The following GPRIN1 variants were observed in gnomAD, a reference collection of about 807,000 sequenced individuals.
The protein encoded by GPRIN1 is G protein-regulated inducer of neurite outgrowth 1.
GPRIN1 carries 4 observed loss-of-function variants against 2.8 expected under a neutral mutation model. The ratio of observed to expected loss-of-function variants is 1.45; its 90% CI spans 0.71 to 3.32. The LOEUF is 3.32. GPRIN1 is among the 30% of genes most tolerant of loss of function. The probability of loss-of-function intolerance (pLI) is 0.01; values close to 1 mark genes in which losing one functional copy is unlikely to be tolerated. For synonymous variants in GPRIN1, 589 were observed against 589.9 expected, an observed-to-expected ratio of 1.00 and a Z score of 0.02; for missense variants, 1,322 against 1,343.4, an observed-to-expected ratio of 0.98 and a Z score of 0.25.
At position 176,599,039 on chromosome 5, in the gene GPRIN1, G is replaced by A. The variant is rs1199184948; in HGVS notation, c.796C>T (p.His266Tyr). Residue 266 changes from histidine to tyrosine, a missense_variant, in exon 2 of 2, where the codon CAT (histidine) becomes TAT (tyrosine). Transcript: ENST00000303991. Reference protein sequence around the residue: ...KEEPRYSGKEHPVSSEKVAPT... With the variant: ...KEEPRYSGKEYPVSSEKVAPT... ...GCGACCTTTTCTGAGGACACAGGAT[G>A]CTCTTTTCCTGAATACCTGGGCTCC... The A allele has an allele frequency of 1.4e-5, 22 of 1,614,004 alleles. No individual in the cohort carries two copies. In the Middle Eastern group the frequency reaches 4.9e-4, roughly 36 times the overall value.
intron 1 of GPRIN1, among the ~76,000 whole-genome samples, chr5:176,600,960 A>G (rs1303998243): frequency 6.6e-6 from 1 of 152,138 alleles, no homozygotes; most frequent in Non-Finnish European, 1.5e-5. Flanking sequence ...TAAAGGGAGA[A>G]CCACTACTCC....
intron 1 of GPRIN1, among the ~76,000 whole-genome samples, chr5:176,600,574 A>C (rs931846314): frequency 7.2e-5 from 11 of 152,198 alleles, no homozygotes; most frequent in East Asian, 1.9e-4. Context: ...GGTATAAGAC[A>C]AAAGGGAGTG....
intron 1 of GPRIN1, among the ~76,000 whole-genome samples, chr5:176,604,027 A>G (rs1452665027): frequency 6.6e-6 from 1 of 152,212 alleles, no homozygotes; most frequent in Non-Finnish European, 1.5e-5. Flanking sequence ...CCATTAACTC[A>G]GCATTTACTG....
intron 1 of GPRIN1, among the ~76,000 whole-genome samples, chr5:176,601,786 A>G (rs1759152082): frequency 6.6e-6 from 1 of 152,162 alleles, no homozygotes; most frequent in Admixed American, 6.5e-5. Context: ...CACGTCTATC[A>G]GCAAAACATA....
Position 176,596,790 on chromosome 5 carries a change from G to A in GPRIN1, c.*18C>T. ...GCCTGAGAAGGTCGGAAACTCGGGC[G>A]TACAAAATGGGGGCAGATCACTCGG... On this transcript the variant is annotated 3_prime_UTR_variant, in exon 2 of 2. Transcript: ENST00000303991. The surrounding 1 kb of genome is among the most constrained non-coding windows in gnomAD (Gnocchi z 5.2). 2.1e-6 allele frequency: 3 copies of A among 1,419,782 alleles called. No individual in the cohort carries two copies. The highest frequency in any genetic ancestry group is 2.8e-6 in the Non-Finnish European group (3 of 1,087,722). The allele number at this position is 1,419,782 out of a possible 1,614,324, so 87.9% of individuals were successfully genotyped here.
intron 1 of GPRIN1, among the ~76,000 whole-genome samples, chr5:176,600,792 T>C (rs1425177770): frequency 6.6e-6 from 1 of 152,160 alleles, no homozygotes; most frequent in Non-Finnish European, 1.5e-5. Context: ...GGTGCACGCC[T>C]GTAATCCCAG....
intron 1 of GPRIN1, among the ~76,000 whole-genome samples, chr5:176,607,357 T>C (rs1253867953): frequency 6.6e-6 from 1 of 152,206 alleles, no homozygotes; most frequent in East Asian, 1.9e-4. Flanking sequence ...TGTCTTTCTT[T>C]TTTTGAGACC....
At chr5:176,601,552 G>C (rs1378782793) in intron 1 of GPRIN1, among the ~76,000 whole-genome samples, 3 of 152,144 alleles carry the variant, frequency 2.0e-5, no homozygotes. Flanking sequence ...CTGAGCAGGA[G>C]ATGTAGGAAA....
Position 176,596,874 on chromosome 5 carries a change from G to T in GPRIN1, c.2961C>A (p.Phe987Leu), listed in dbSNP as rs767527077. Residue 987 changes from phenylalanine to leucine, a missense_variant, in exon 2 of 2, where the codon TTC becomes TTA. By Grantham distance (22) the Phe-to-Leu change is conservative. Transcript: ENST00000303991. The surrounding 1 kb of genome is among the most constrained non-coding windows in gnomAD (Gnocchi z 5.2). ...DGAAKRPPGL[F>L]RALLQSVRRP... is the part of the protein sequence containing the mutation. ...GGCGCACACTCTGCAGCAGCGCGCG[G>T]AACAGGCCGGGCGGACGCTTGGCGG... 2.9e-5 allele frequency: 39 copies of T among 1,341,470 alleles called. No homozygotes were observed. Among genetic ancestry groups the T allele is most frequent in the Non-Finnish European group, 3.7e-5 (39 of 1,044,384 alleles). 83.1% of individuals were successfully genotyped at this position (1,341,470 alleles called of 1,614,324 possible). A position where few individuals can be genotyped will look rare whatever the true frequency, so the allele number is the denominator to read the frequency against.
chr5:176,601,387 G>A (rs140611744), intron 1 of GPRIN1, among the ~76,000 whole-genome samples: 8 of 152,292 alleles, frequency 5.3e-5, no homozygotes, highest in Non-Finnish European at 1.2e-4. Flanking sequence ...CAGGAATCTC[G>A]ATGAGAGACA....
In GPRIN1 at chr5:176,598,272, G is replaced by A. The variant is rs1195202301; in HGVS notation, c.1563C>T (p.Pro521=). The change falls in exon 2 of 2, where the codon CCC becomes CCT. Residue 521 remains proline (P), a synonymous_variant. Transcript: ENST00000303991. ...AEPATGGKGD[P]LSSEKAGLVA... ...CCAGACCTGCCTTCTCCGAGGACAG[G>A]GGATCTCCTTTTCCCCCCGTCGCTG... The A allele has an allele frequency of 3.1e-6, 5 of 1,613,462 alleles. No homozygotes were observed. The highest frequency in any genetic ancestry group is 4.5e-5 in the East Asian group (2 of 44,868).
In GPRIN1 at chr5:176,598,229, C is replaced by T. The variant is rs769526997; in HGVS notation, c.1606G>A (p.Ala536Thr). 2 of 1,612,318 alleles carry T rather than the reference C, an allele frequency of 1.2e-6. No homozygotes were observed. Among genetic ancestry groups the T allele is most frequent in the South Asian group, 1.1e-5 (1 of 91,078 alleles). Reference sequence around the variant, plus strand: ...TCGGCCTTCCCTGAGGCTGTGGGAGCCGCCTTTCCAGAGGCCACCAGACCT... The same window carrying T: ...TCGGCCTTCCCTGAGGCTGTGGGAGTCGCCTTTCCAGAGGCCACCAGACCT... ...KAGLVASGKA[A>T]PTASGKAEPL... The change falls in exon 2 of 2, where the codon GCT becomes ACT. Residue 536 changes from alanine (A) to threonine (T), a missense_variant. By Grantham distance (58) the Ala-to-Thr change is moderately conservative. This residue lies in a region of GPRIN1 where 1,117 missense variants were observed against 1,128.6 expected (regional missense o/e 0.99). Transcript: ENST00000303991.
At position 176,596,713 on chromosome 5, in the gene GPRIN1, G is replaced by A; in HGVS notation, c.*95C>T. On this transcript the variant is annotated 3_prime_UTR_variant, in exon 2 of 2. Coordinates refer to ENST00000303991, the MANE Select transcript of GPRIN1 (RefSeq NM_052899.3). The surrounding 1 kb of genome is among the most constrained non-coding windows in gnomAD (Gnocchi z 5.2). ...CTAGAGGCTGCACAACCCCTCGGAG[G>A]CCTGTGGCACGCAGAGGGGACCCCT... is the stretch of plus-strand genomic sequence containing the variant. 4.7e-6 allele frequency: 5 copies of A among 1,068,000 alleles called. No homozygotes were observed. In the Admixed American group the frequency reaches 1.9e-4, roughly 40 times the overall value. 66.2% of individuals were successfully genotyped at this position (1,068,000 alleles called of 1,614,324 possible).
Position 176,598,151 on chromosome 5 carries a change from C to T in GPRIN1, c.1684G>A (p.Gly562Ser). ...ACAGAGTCCCCTTGTCCAGAGGGGC[C>T]AGCGTCTGCCTTTCCCTTGCTCACA... ...DPVSKGKADA[G>S]PSGQGDSVSI... The change falls in exon 2 of 2, where the codon GGC (glycine) becomes AGC (serine). Residue 562 changes from glycine to serine, a missense_variant. Transcript: ENST00000303991. 1 of 1,612,830 alleles carries T rather than the reference C, an allele frequency of 6.2e-7. No individual in the cohort carries two copies. The highest frequency in any genetic ancestry group is 8.5e-7 in the Non-Finnish European group (1 of 1,179,982).
Position 176,598,353 on chromosome 5 carries a change from T to C in GPRIN1, c.1482A>G (p.Pro494=), listed in dbSNP as rs1759088215. The change falls in exon 2 of 2, where the codon CCA becomes CCG. Residue 494 remains proline, a synonymous_variant. Transcript: ENST00000303991. The part of the protein sequence containing the change: ...SGKTNPVSSG[P]GDPRSLGTAG... The stretch of plus-strand genomic sequence containing the variant: ...CTGTCCCCAAGGACCTGGGATCGCC[T>C]GGACCTGAAGACACAGGGTTTGTCT... The C allele has an allele frequency of 6.2e-7, 1 of 1,613,870 alleles. No individual in the cohort carries two copies. The highest frequency in any genetic ancestry group is 8.5e-7 in the Non-Finnish European group (1 of 1,179,778).
At position 176,595,985 on chromosome 5, in the gene GPRIN1, C is replaced by T. The variant is rs1759025155; in HGVS notation, c.*823G>A. ...GTGGTTATAGAATGAGCTCTCTGTC[C>T]TGTCCCCAATACCCAAGAACACCGG... On this transcript the variant is annotated 3_prime_UTR_variant, in exon 2 of 2. Transcript: ENST00000303991. The T allele has an allele frequency of 1.3e-5, 3 of 234,770 alleles. No homozygotes were observed. Among genetic ancestry groups the T allele is most frequent in the Admixed American group, 5.7e-5 (1 of 17,624 alleles). The allele number at this position is 234,770 out of a possible 1,614,324, so 14.5% of individuals were successfully genotyped here.
intron 1 of GPRIN1, 35 bp from the exon 2 acceptor site, chr5:176,599,912 A>G (rs770824040): frequency 2.0e-5 from 26 of 1,279,182 alleles, no homozygotes; most frequent in Non-Finnish European, 2.4e-5. Context: ...AGACTTCCCA[A>G]AGCTCAGTGG....
intron 1 of GPRIN1, among the ~76,000 whole-genome samples, chr5:176,604,449 G>A (rs569798638): frequency 1.0e-4 from 15 of 150,640 alleles, no homozygotes; most frequent in African/African-American, 3.4e-4. Context: ...GCAGTGGCGC[G>A]ATCTCGGCTC....
chr5:176,601,568 A>G (rs933930153), intron 1 of GPRIN1, among the ~76,000 whole-genome samples: 4 of 152,054 alleles, frequency 2.6e-5, no homozygotes, highest in African/African-American at 9.7e-5. Flanking sequence ...GGAAAGAGGG[A>G]GATCCGTTTT....
Sources: gnomAD v4.1 joint callset for allele counts (sites outside exome capture counted in the v4.1 genomes callset) on GRCh38, gnomAD v4.1.1 for gene constraint, gnomAD v4.1.1 regional missense constraint, Gnocchi (gnomAD v3.1) non-coding constraint, MANE v1.5 for transcripts, NCBI Gene and HGNC (gene_info 2026-07-23, HGNC 2026-07-21) for gene names.